The following BCAR3 variants were observed in gnomAD, a reference collection of about 807,000 sequenced individuals.
BCAR3 encodes the protein BCAR3 adaptor protein, NSP family member, also known as breast cancer anti-estrogen resistance protein 3.
Under a neutral mutation model 80.1 loss-of-function variants are expected in BCAR3, and 37 were observed. The observed-to-expected ratio is 0.46, with a 90% CI of 0.36 to 0.61. The LOEUF (loss-of-function observed/expected upper bound fraction) is 0.61, where lower values mean the gene tolerates loss of function less well. Among genes scored for constraint, BCAR3 ranks in the 20% least tolerant of loss-of-function variants. The pLI, the probability that BCAR3 is intolerant of heterozygous loss-of-function variation, is 0.00. For synonymous variants in BCAR3, 389 were observed against 418.9 expected (o/e 0.93, Z 0.87); for missense variants, 978 against 1,068.2 (o/e 0.92, Z 1.18).
intron 2 of BCAR3, among the ~76,000 whole-genome samples, chr1:93,769,914 G>A (rs1446358954): frequency 2.0e-5 from 3 of 151,982 alleles, no homozygotes; most frequent in African/African-American, 7.3e-5. Context: ...TGATGAGGGT[G>A]TTGGGAATGT....
chr1:93,586,629 T>C lies in BCAR3; in HGVS notation c.929+2348A>G, dbSNP rs1248523624. 6.6e-6 allele frequency among the ~76,000 whole-genome samples: 1 copy of C among 152,212 alleles called. No homozygotes were observed. Among genetic ancestry groups the C allele is most frequent in the Non-Finnish European group, 1.5e-5 (1 of 68,024 alleles). On this transcript the variant is annotated intron_variant, in intron 5 of 11. Coordinates refer to ENST00000260502, the MANE Select transcript of BCAR3 (RefSeq NM_003567.4). The surrounding 1 kb of genome is among the most constrained non-coding windows in gnomAD (Gnocchi z 4.2). Reference sequence around the variant, plus strand: ...GTTTTCTGAGGAACCTCGAAACTGTTCTCCATAGTGGTTGTACTAATTTAC... The same window carrying C: ...GTTTTCTGAGGAACCTCGAAACTGTCCTCCATAGTGGTTGTACTAATTTAC...
intron 2 of BCAR3, among the ~76,000 whole-genome samples, chr1:93,836,969 C>A (rs1044367034): frequency 2.5e-4 from 38 of 152,274 alleles, no homozygotes; most frequent in African/African-American, 8.9e-4. Flanking sequence ...AACTGCCCCA[C>A]CCCATCTCCC....
intron 8 of BCAR3, among the ~76,000 whole-genome samples, chr1:93,575,035 T>G (rs1009683951): frequency 6.6e-6 from 1 of 152,162 alleles, no homozygotes; most frequent in Non-Finnish European, 1.5e-5. Context: ...AGCAGCGACA[T>G]CCATCCCCCG....
At chr1:93,762,722 C>G (rs1651995553) in intron 2 of BCAR3, among the ~76,000 whole-genome samples, 1 of 152,184 alleles carries the variant, frequency 6.6e-6, no homozygotes, top group Non-Finnish European at 1.5e-5. Context: ...GCTTCCTCCT[C>G]CCTCTTCTCT....
In BCAR3 at chr1:93,592,231, C is replaced by T; in HGVS notation, c.486+34G>A. 1 of 1,612,296 alleles carries T rather than the reference C, an allele frequency of 6.2e-7. No individual in the cohort carries two copies. The highest frequency in any genetic ancestry group is 8.5e-7 in the Non-Finnish European group (1 of 1,179,730). The stretch of plus-strand genomic sequence containing the variant: ...CAATCTGTACATTGCCTGAGAGCAG[C>T]CGTGTATGCTCTGGAAGGGACAAGA... On this transcript the variant is annotated intron_variant, in intron 4 of 11. Coordinates refer to ENST00000260502, the MANE Select transcript of BCAR3 (RefSeq NM_003567.4). This position sits in a 1 kb window ranked among gnomAD's most constrained non-coding sequence, Gnocchi z 4.8.
Position 93,821,562 on chromosome 1 carries a change from A to G in BCAR3, c.-63+24005T>C, listed in dbSNP as rs76032253. 7.2e-3 allele frequency among the ~76,000 whole-genome samples: 1,098 copies of G among 152,344 alleles called. 15 individuals carry two copies. The highest frequency in any genetic ancestry group is 0.026 in the African/African-American group (1,064 of 41,576). ...TACTGGGTGGTGAAATGTTAGAGCCATTTGAAAAGTGAGCAAACGTCTTGG... is the reference window on the plus strand; with the variant it reads ...TACTGGGTGGTGAAATGTTAGAGCCGTTTGAAAAGTGAGCAAACGTCTTGG... On this transcript the variant is annotated intron_variant, in intron 2 of 13. Coordinates refer to the BCAR3 transcript ENST00000370244.
chr1:93,668,667 C>A (rs1028801056), intron 2 of BCAR3, among the ~76,000 whole-genome samples: 1 of 151,860 alleles, frequency 6.6e-6, no homozygotes, highest in African/African-American at 2.4e-5. Context: ...CTAAGTATAC[C>A]TTCTATTAAA....
chr1:93,718,035 T>C (rs1423119141), intron 2 of BCAR3, among the ~76,000 whole-genome samples: 1 of 152,234 alleles, frequency 6.6e-6, no homozygotes, highest in Admixed American at 6.5e-5. Context: ...CTTGGTTCTG[T>C]TTGTCACATT....
At chr1:93,578,683 C>T (rs974586692) in intron 7 of BCAR3, among the ~76,000 whole-genome samples, 5 of 152,148 alleles carry the variant, frequency 3.3e-5, no homozygotes, top group African/African-American at 7.2e-5. Context: ...CAGGGCGTTT[C>T]CCACCTGGGT....
intron 2 of BCAR3, among the ~76,000 whole-genome samples, chr1:93,732,263 C>T (rs1430016686): frequency 6.6e-6 from 1 of 152,122 alleles, no homozygotes; most frequent in Admixed American, 6.5e-5. Context: ...CAGAAAGCCT[C>T]AGGACAGACA....
At chr1:93,619,735 C>G (rs557313023) in intron 3 of BCAR3, among the ~76,000 whole-genome samples, 3 of 152,342 alleles carry the variant, frequency 2.0e-5, no homozygotes, top group Non-Finnish European at 4.4e-5. Flanking sequence ...TCTCTCCCAC[C>G]TCCACTGCGC....
chr1:93,636,785 T>C (rs1675793600), intron 3 of BCAR3, among the ~76,000 whole-genome samples: 1 of 151,986 alleles, frequency 6.6e-6, no homozygotes. Flanking sequence ...GTAGGGCTGG[T>C]GTGTGAAGAG....
chr1:93,720,488 T>G (rs1050220477), intron 2 of BCAR3, among the ~76,000 whole-genome samples: 3 of 152,116 alleles, frequency 2.0e-5, no homozygotes, highest in Admixed American at 6.5e-5. Flanking sequence ...GTAGAGGGGC[T>G]TCTGCCTCCA....
intron 2 of BCAR3, among the ~76,000 whole-genome samples, chr1:93,766,961 T>A (rs1652174523): frequency 6.6e-6 from 1 of 152,134 alleles, no homozygotes; most frequent in African/African-American, 2.4e-5. Flanking sequence ...TAGGACAGAA[T>A]TTATATAGCT....
intron 2 of BCAR3, among the ~76,000 whole-genome samples, chr1:93,825,601 T>C (rs1654344780): frequency 7.4e-6 from 1 of 134,600 alleles, no homozygotes; most frequent in South Asian, 3.0e-4. Context: ...GCCATGGAGA[T>C]TCCAGATGCC....
chr1:93,829,055 G>T (rs777853773), intron 2 of BCAR3, among the ~76,000 whole-genome samples: 15 of 152,154 alleles, frequency 9.9e-5, no homozygotes, highest in Non-Finnish European at 2.1e-4. Context: ...AAGTTTAATA[G>T]AAGAAAAGAG....
chr1:93,656,145 C>T (rs1165384325), intron 2 of BCAR3, among the ~76,000 whole-genome samples: 1 of 152,140 alleles, frequency 6.6e-6, no homozygotes, highest in African/African-American at 2.4e-5. Flanking sequence ...CCTTTGACTG[C>T]TTTTGAGATC....
chr1:93,738,355 GAAATT>G (rs1651055855), intron 2 of BCAR3, among the ~76,000 whole-genome samples: 1 of 152,226 alleles, frequency 6.6e-6, no homozygotes, highest in African/African-American at 2.4e-5. Context: ...AAAATGAAAT[GAAATT>G]GAGGAGAATA....
intron 2 of BCAR3, among the ~76,000 whole-genome samples, chr1:93,779,266 T>C (rs1242312528): frequency 6.6e-6 from 1 of 152,214 alleles, no homozygotes; most frequent in East Asian, 1.9e-4. Context: ...GTCCAATGAC[T>C]TGGCCAGGGC....
Sources: gnomAD v4.1 joint callset for allele counts (sites outside exome capture counted in the v4.1 genomes callset) on GRCh38, gnomAD v4.1.1 for gene constraint, Gnocchi (gnomAD v3.1) non-coding constraint, MANE v1.5 for transcripts, NCBI Gene and HGNC (gene_info 2026-07-23, HGNC 2026-07-21) for gene names.